The following CCSER1 variants were observed in gnomAD, a reference collection of about 807,000 sequenced individuals.
The protein encoded by CCSER1 is coiled-coil serine rich protein 1.
Under a neutral mutation model 82.0 loss-of-function variants are expected in CCSER1, and 41 were observed. That is an observed-to-expected ratio of 0.50 (90% CI 0.39 to 0.65). The LOEUF is 0.65. Among genes scored for constraint, CCSER1 ranks in the 30% least tolerant of loss-of-function variants. The pLI is 0.00. For synonymous variants in CCSER1, 414 were observed against 383.9 expected (o/e 1.08, Z -0.92); for missense variants, 1,119 against 1,064.2 (o/e 1.05, Z -0.72).
chr4:90,553,110 C>T (rs1777721460), intron 5 of CCSER1, among the ~76,000 whole-genome samples: 1 of 152,070 alleles, frequency 6.6e-6, no homozygotes, highest in Non-Finnish European at 1.5e-5. Flanking sequence ...GCTGAGACTA[C>T]AGGCACACAC....
intron 1 of CCSER1, among the ~76,000 whole-genome samples, chr4:90,236,631 G>T (rs1560852736): frequency 6.6e-6 from 1 of 152,048 alleles, no homozygotes; most frequent in Non-Finnish European, 1.5e-5. Flanking sequence ...AATATGGTAA[G>T]TAATTTGCAT....
chr4:90,401,181 T>C (rs978672683), intron 4 of CCSER1, among the ~76,000 whole-genome samples: 4 of 152,210 alleles, frequency 2.6e-5, no homozygotes, highest in Admixed American at 2.6e-4. Context: ...ATTTTTTCGG[T>C]TGAATACCAC....
intron 10 of CCSER1, among the ~76,000 whole-genome samples, chr4:91,417,173 G>A (rs2149379039): frequency 6.6e-6 from 1 of 152,274 alleles, no homozygotes; most frequent in Middle Eastern, 3.4e-3. Flanking sequence ...TATCATGCCA[G>A]TGAGTATGAT....
At chr4:91,440,708 T>C (rs1755062489) in intron 10 of CCSER1, among the ~76,000 whole-genome samples, 1 of 151,886 alleles carries the variant, frequency 6.6e-6, no homozygotes, top group Admixed American at 6.6e-5. Flanking sequence ...ATCAACAACA[T>C]TGATAGACCA....
At chr4:90,560,995 C>G (rs368425294) in intron 5 of CCSER1, among the ~76,000 whole-genome samples, 1 of 152,132 alleles carries the variant, frequency 6.6e-6, no homozygotes, top group Non-Finnish European at 1.5e-5. Flanking sequence ...AATCATAATA[C>G]GTTAATTGAG....
rs70965460 is a variant in CCSER1, at chr4:90,943,729, A to ATTTTTTTTTTTTTTTTTT, written c.2172+20294_2172+20311dup. 1.5e-3 allele frequency among the ~76,000 whole-genome samples: 101 copies of ATTTTTTTTTTTTTTTTTT among 68,884 alleles called. 9 individuals carry two copies. The highest frequency in any genetic ancestry group is 0.012 in the Middle Eastern group (1 of 84). The allele number at this position is 68,884 out of a possible 152,430, so 45.2% of individuals were successfully genotyped here. A position where few individuals can be genotyped will look rare whatever the true frequency, so the allele number is the denominator to read the frequency against. The stretch of plus-strand genomic sequence containing the variant: ...AAACATGAGCCACTGTGCCAGGCTA[A>ATTTTTTTTTTTTTTTTTT]TTTTTTTTTTTTTTTTTTTTTTTTT... On this transcript the variant is annotated intron_variant, in intron 9 of 10. Coordinates refer to ENST00000509176, the MANE Select transcript of CCSER1 (RefSeq NM_001145065.2).
chr4:90,354,094 GT>G (rs1258976281), intron 3 of CCSER1, among the ~76,000 whole-genome samples: 1 of 152,104 alleles, frequency 6.6e-6, no homozygotes, highest in Non-Finnish European at 1.5e-5. Flanking sequence ...ATATATTAAT[GT>G]AATGAAATAC....
chr4:91,530,995 A>G (rs1200127015), intron 10 of CCSER1, among the ~76,000 whole-genome samples: 3 of 152,068 alleles, frequency 2.0e-5, no homozygotes, highest in African/African-American at 7.2e-5. Context: ...CAAAAATTGT[A>G]TATTTCTTTA....
At chr4:90,454,878 A>G (rs1341854094) in intron 4 of CCSER1, among the ~76,000 whole-genome samples, 3 of 152,192 alleles carry the variant, frequency 2.0e-5, no homozygotes, top group African/African-American at 7.2e-5. Context: ...AGAGAAAAGC[A>G]AATTTGGACC....
chr4:91,562,010 G>T lies in CCSER1; in HGVS notation c.2218-36562G>T, dbSNP rs577077191. 2.0e-5 allele frequency among the ~76,000 whole-genome samples: 3 copies of T among 151,372 alleles called. No individual in the cohort carries two copies. In the Admixed American group the frequency reaches 2.0e-4, roughly 10 times the overall value. ...AAGAGCAGTTTCATAGTTTATTCAGGACTTGGATGAACTGGATCTCATATA... is the reference window on the plus strand; with the variant it reads ...AAGAGCAGTTTCATAGTTTATTCAGTACTTGGATGAACTGGATCTCATATA... On this transcript the variant is annotated intron_variant, in intron 10 of 10. Coordinates refer to ENST00000509176, the MANE Select transcript of CCSER1 (RefSeq NM_001145065.2).
chr4:91,077,543 TG>T (rs1189544239), intron 9 of CCSER1, among the ~76,000 whole-genome samples: 1 of 152,122 alleles, frequency 6.6e-6, no homozygotes, highest in Non-Finnish European at 1.5e-5. Flanking sequence ...ACAGTGTGAA[TG>T]ACGAAGAAGA....
intron 6 of CCSER1, among the ~76,000 whole-genome samples, chr4:90,716,736 A>G (rs1230945693): frequency 6.6e-6 from 1 of 151,958 alleles, no homozygotes; most frequent in South Asian, 2.1e-4. Context: ...GTAGTAGACT[A>G]AGCTATCTAG....
rs538653524 is a variant in CCSER1 at position 90,823,389 on chromosome 4, A to G, written c.2094+7544A>G. ...GAAACACTCAACGATTCCACCACAC[A>G]TTTTTATTTTGAGAGTTAAGTTTGT... is the stretch of plus-strand genomic sequence containing the variant. On this transcript the variant is annotated intron_variant, in intron 8 of 10. Transcript: ENST00000509176. Among the ~76,000 whole-genome samples the G allele has an allele frequency of 3.3e-5, 5 of 152,218 alleles. No individual in the cohort carries two copies. In the South Asian group the frequency reaches 1.0e-3, roughly 32 times the overall value.
At chr4:90,175,554 A>G (rs554008941) in intron 1 of CCSER1, among the ~76,000 whole-genome samples, 2 of 152,014 alleles carry the variant, frequency 1.3e-5, no homozygotes, top group African/African-American at 2.4e-5. Flanking sequence ...CTGACACACA[A>G]TAAAAGTTTA....
chr4:90,277,535 C>A (rs948340078), intron 1 of CCSER1, among the ~76,000 whole-genome samples: 1 of 152,076 alleles, frequency 6.6e-6, no homozygotes, highest in Non-Finnish European at 1.5e-5. Context: ...ATATCTACAA[C>A]CATCTGATCT....
intron 10 of CCSER1, among the ~76,000 whole-genome samples, chr4:91,317,588 A>ATGTGTGTGTGTGTG: frequency 7.5e-6 from 1 of 133,072 alleles, no homozygotes; most frequent in East Asian, 2.7e-4. Context: ...CAAAGTATAT[A>ATGTGTGTGTGTGTG]CGTGTGTGTG....
At chr4:90,938,813 A>G (rs774110143) in intron 9 of CCSER1, 1 of 234,226 alleles carries the variant, frequency 4.3e-6, no homozygotes, top group Admixed American at 4.9e-5. Context: ...CAATTTTTTC[A>G]TCATTTCATA....
chr4:90,154,600 T>A (rs1318563092), intron 1 of CCSER1, among the ~76,000 whole-genome samples: 6 of 148,966 alleles, frequency 4.0e-5, no homozygotes, highest in Admixed American at 1.3e-4. Flanking sequence ...TTCACATCCC[T>A]TGTAAGTTGG....
chr4:91,555,743 T>C (rs895555007), intron 10 of CCSER1, among the ~76,000 whole-genome samples: 1 of 151,190 alleles, frequency 6.6e-6, no homozygotes, highest in African/African-American at 2.4e-5. Flanking sequence ...TTTCATCTTA[T>C]TTTATGTTTT....
Sources: gnomAD v4.1 joint callset for allele counts (sites outside exome capture counted in the v4.1 genomes callset) on GRCh38, gnomAD v4.1.1 for gene constraint, MANE v1.5 for transcripts, NCBI Gene and HGNC (gene_info 2026-07-23, HGNC 2026-07-21) for gene names.